SH3GL2: variants seen among roughly 807,000 people sequenced by gnomAD.
SH3GL2 encodes SH3 domain containing GRB2 like 2, endophilin A1.
SH3GL2 carries 24 observed loss-of-function variants against 46.0 expected under a neutral mutation model. The observed-to-expected ratio is 0.52, with a 90% CI of 0.38 to 0.73. The LOEUF (loss-of-function observed/expected upper bound fraction) is 0.73, where lower values mean the gene tolerates loss of function less well. Ranked by LOEUF, SH3GL2 falls within the 30% of genes least tolerant of loss-of-function variation. The pLI is 0.00. For missense variants in SH3GL2, 413 were observed against 424.2 expected, an observed-to-expected ratio of 0.97 and a Z score of 0.23; for synonymous variants, 196 against 147.1, an observed-to-expected ratio of 1.33 and a Z score of -2.40.
In SH3GL2 at chr9:17,771,499, G is replaced by C. The variant is rs150437855; in HGVS notation, c.187+9990G>C. 4.6e-5 allele frequency among the ~76,000 whole-genome samples: 7 copies of C among 152,232 alleles called. No homozygotes were observed. The East Asian group carries it at 1.4e-3, about 29-fold the overall frequency. ...ACTGCAGGACCCTTCTTACAATAAGGATATATTATTTACCACCACCCTCTA... is the reference window on the plus strand; with the variant it reads ...ACTGCAGGACCCTTCTTACAATAAGCATATATTATTTACCACCACCCTCTA... On this transcript the variant is annotated intron_variant, in intron 3 of 8. Coordinates refer to ENST00000380607, the MANE Select transcript of SH3GL2 (RefSeq NM_003026.5).
intron 1 of SH3GL2, among the ~76,000 whole-genome samples, chr9:17,667,168 C>G (rs1277204956): frequency 6.6e-6 from 1 of 152,022 alleles, no homozygotes; most frequent in Non-Finnish European, 1.5e-5. Context: ...CATGTTGCAG[C>G]AAATACTTTT....
chr9:17,791,423 G>T, intron 7 of SH3GL2, 89 bp downstream of exon 7: 1 of 973,472 alleles, frequency 1.0e-6, no homozygotes. Context: ...TACATTTGGA[G>T]ACAAACGTCT....
intron 1 of SH3GL2, among the ~76,000 whole-genome samples, chr9:17,697,849 ATTCTTCT>A (rs1417711432): frequency 2.0e-5 from 3 of 152,136 alleles, no homozygotes. Context: ...CGCCTACTAA[ATTCTTCT>A]TGTCTTCTCC....
At chr9:17,593,352 A>G (rs985234931) in intron 1 of SH3GL2, among the ~76,000 whole-genome samples, 1 of 152,126 alleles carries the variant, frequency 6.6e-6, no homozygotes, top group Non-Finnish European at 1.5e-5. Flanking sequence ...CGCTATCTCC[A>G]GGTAGTGTCA....
intron 3 of SH3GL2, among the ~76,000 whole-genome samples, 195 bp from the exon 4 acceptor site, chr9:17,786,186 A>G (rs1023971570): frequency 2.6e-5 from 4 of 152,086 alleles, no homozygotes; most frequent in African/African-American, 9.7e-5. Flanking sequence ...ATCTTAAGGG[A>G]AAGGGAGAGT....
At chr9:17,596,810 C>T (rs543146766) in intron 1 of SH3GL2, among the ~76,000 whole-genome samples, 3 of 152,260 alleles carry the variant, frequency 2.0e-5, no homozygotes, top group Admixed American at 6.5e-5. Context: ...GAAACGTAGC[C>T]TCAGTAATGA....
chr9:17,666,613 T>C (rs1820350529), intron 1 of SH3GL2, among the ~76,000 whole-genome samples: 1 of 151,484 alleles, frequency 6.6e-6, no homozygotes, highest in Admixed American at 6.6e-5. Flanking sequence ...CATCAGTTCA[T>C]AGGAAGCATT....
intron 1 of SH3GL2, among the ~76,000 whole-genome samples, chr9:17,668,253 T>G (rs796441814): frequency 4.6e-5 from 7 of 152,360 alleles, no homozygotes; most frequent in African/African-American, 1.4e-4. Context: ...TAGTTTTAGC[T>G]TTTACATTTA....
chr9:17,698,941 A>G (rs1427499044), intron 1 of SH3GL2, among the ~76,000 whole-genome samples: 1 of 151,970 alleles, frequency 6.6e-6, no homozygotes, highest in Non-Finnish European at 1.5e-5. Flanking sequence ...TGGCTCATGA[A>G]GTCAGGAGAC....
At chr9:17,669,105 A>T (rs978117418) in intron 1 of SH3GL2, among the ~76,000 whole-genome samples, 3 of 152,232 alleles carry the variant, frequency 2.0e-5, no homozygotes, top group East Asian at 1.9e-4. Flanking sequence ...TTAATTAAAA[A>T]TTTTATTTTG....
chr9:17,739,129 A>G (rs1822448526), intron 1 of SH3GL2, among the ~76,000 whole-genome samples: 1 of 152,080 alleles, frequency 6.6e-6, no homozygotes, highest in Admixed American at 6.6e-5. Flanking sequence ...GGTAGTTTGT[A>G]GTTTCAATTC....
chr9:17,588,963 T>A (rs149368637), intron 1 of SH3GL2, among the ~76,000 whole-genome samples: 1 of 152,290 alleles, frequency 6.6e-6, no homozygotes, highest in East Asian at 1.9e-4. Context: ...GTGCCCAGGA[T>A]GTAAAAGTGG....
chr9:17,750,513 G>A (rs1007860010), intron 2 of SH3GL2, among the ~76,000 whole-genome samples: 2 of 152,066 alleles, frequency 1.3e-5, no homozygotes, highest in Middle Eastern at 3.4e-3. Flanking sequence ...AGAATCCTGC[G>A]GCTGTGCTGT....
chr9:17,699,529 G>C (rs1821292990), intron 1 of SH3GL2, among the ~76,000 whole-genome samples: 1 of 152,186 alleles, frequency 6.6e-6, no homozygotes, highest in Non-Finnish European at 1.5e-5. Flanking sequence ...CTGCTTTCAA[G>C]CAGAGAAGAG....
At chr9:17,700,935 C>T (rs1821329908) in intron 1 of SH3GL2, among the ~76,000 whole-genome samples, 1 of 152,178 alleles carries the variant, frequency 6.6e-6, no homozygotes, top group South Asian at 2.1e-4. Flanking sequence ...ATCTCAAAGC[C>T]TGTCTTAGAG....
intron 1 of SH3GL2, among the ~76,000 whole-genome samples, chr9:17,734,703 C>T (rs1409622125): frequency 2.6e-5 from 4 of 151,346 alleles, no homozygotes; most frequent in Non-Finnish European, 4.4e-5. Context: ...AGAGACAAAA[C>T]ACCACATAAT....
chr9:17,750,905 C>T (rs1822821649), intron 2 of SH3GL2, among the ~76,000 whole-genome samples: 1 of 152,192 alleles, frequency 6.6e-6, no homozygotes, highest in African/African-American at 2.4e-5. Context: ...CAGTACCTTA[C>T]AGAACATAGT....
intron 1 of SH3GL2, among the ~76,000 whole-genome samples, chr9:17,602,142 C>G (rs902828719): frequency 6.6e-6 from 1 of 152,152 alleles, no homozygotes; most frequent in Non-Finnish European, 1.5e-5. Context: ...GAGTGACAAT[C>G]AGACGTCTTT....
chr9:17,783,199 A>G (rs1312461916), intron 3 of SH3GL2, among the ~76,000 whole-genome samples: 1 of 152,068 alleles, frequency 6.6e-6, no homozygotes, highest in Non-Finnish European at 1.5e-5. Context: ...CTAACTAGCA[A>G]GATTTATAGC....
Sources: gnomAD v4.1 joint callset for allele counts (sites outside exome capture counted in the v4.1 genomes callset) on GRCh38, gnomAD v4.1.1 for gene constraint, MANE v1.5 for transcripts, NCBI Gene and HGNC (gene_info 2026-07-23, HGNC 2026-07-21) for gene names.